Variants in THEM4 observed in about 807,000 individuals in gnomAD.
THEM4 encodes the protein thioesterase superfamily member 4.
A neutral mutation model predicts 25.0 loss-of-function variants in THEM4; 22 were observed. The observed-to-expected ratio is 0.88, with a 90% CI of 0.63 to 1.26. The LOEUF (loss-of-function observed/expected upper bound fraction) is 1.26, where lower values mean the gene tolerates loss of function less well. THEM4 is among the 50% of genes most tolerant of loss of function. THEM4 has a pLI of 0.00. For synonymous variants in THEM4, 113 were observed against 105.6 expected, an observed-to-expected ratio of 1.07 and a Z score of -0.43; for missense variants, 286 against 300.3, an observed-to-expected ratio of 0.95 and a Z score of 0.35.
chr1:151,889,439 G>T, intron 2 of THEM4, 66 bp from the exon 3 acceptor site: 1 of 1,511,608 alleles, frequency 6.6e-7, no homozygotes, highest in Non-Finnish European at 9.1e-7. Context: ...GCAGAGCCAA[G>T]CACCTGTACC....
At chr1:151,904,882 T>C (rs1654423003) in intron 1 of THEM4, among the ~76,000 whole-genome samples, 1 of 152,048 alleles carries the variant, frequency 6.6e-6, no homozygotes, top group African/African-American at 2.4e-5. Flanking sequence ...AAAACAGGAG[T>C]GTAACTATTA....
chr1:151,891,892 AAGG>A (rs1486381462), intron 2 of THEM4, among the ~76,000 whole-genome samples: 1 of 152,178 alleles, frequency 6.6e-6, no homozygotes, highest in Non-Finnish European at 1.5e-5. Context: ...TGACAGCAAC[AAGG>A]AGGAGAAGAA....
At chr1:151,896,483 G>A (rs1430205714) in intron 1 of THEM4, among the ~76,000 whole-genome samples, 1 of 152,106 alleles carries the variant, frequency 6.6e-6, no homozygotes. Context: ...CAGTTTTGAG[G>A]GGCCTTATTA....
intron 4 of THEM4, among the ~76,000 whole-genome samples, chr1:151,882,896 A>G (rs577437639): frequency 2.7e-4 from 41 of 152,226 alleles, no homozygotes; most frequent in African/African-American, 8.2e-4. Flanking sequence ...TCATGCTACT[A>G]TAAAGAACTA....
intron 1 of THEM4, among the ~76,000 whole-genome samples, chr1:151,897,900 C>T (rs866238554): frequency 4.8e-4 from 15 of 31,098 alleles, no homozygotes; most frequent in African/African-American, 9.5e-4. Flanking sequence ...CTAAGCTGAG[C>T]GAAATACAGG....
chr1:151,886,337 T>C (rs2101721291), intron 4 of THEM4, among the ~76,000 whole-genome samples: 1 of 152,344 alleles, frequency 6.6e-6, no homozygotes, highest in South Asian at 2.1e-4. Flanking sequence ...CATTTTGCAT[T>C]TGAGTATGTG....
intron 1 of THEM4, among the ~76,000 whole-genome samples, chr1:151,907,191 C>T (rs961997133): frequency 5.9e-5 from 9 of 151,980 alleles, no homozygotes; most frequent in Non-Finnish European, 8.8e-5. Context: ...ACACTCACCA[C>T]GAAGGTCCGC....
intron 1 of THEM4, among the ~76,000 whole-genome samples, chr1:151,898,555 C>CCCA (rs1461031740): frequency 6.6e-6 from 1 of 152,192 alleles, no homozygotes; most frequent in Admixed American, 6.5e-5. Flanking sequence ...TAGGGCCCCG[C>CCCA]CCACCACCGG....
chr1:151,891,087 T>C (rs750465630), intron 2 of THEM4: 27 of 152,342 alleles, frequency 1.8e-4, no homozygotes, highest in Admixed American at 8.5e-4. Flanking sequence ...GAGGATGTGT[T>C]TGTCCTTTGT....
intron 2 of THEM4, among the ~76,000 whole-genome samples, chr1:151,893,931 C>G (rs530632830): frequency 6.6e-6 from 1 of 151,884 alleles, no homozygotes; most frequent in Non-Finnish European, 1.5e-5. Context: ...GCGATCTCAG[C>G]TCACTGCAAC....
Position 151,874,857 on chromosome 1 carries a change from C to G in THEM4, c.*31G>C, listed in dbSNP as rs148860038. The stretch of plus-strand genomic sequence containing the variant: ...GGGACAACTGCTTCTTCTGGAGGGG[C>G]GAGAATGAGATGGAGTTCACCAGCA... On this transcript the variant is annotated 3_prime_UTR_variant, in exon 6 of 6. Coordinates refer to ENST00000368814, the MANE Select transcript of THEM4 (RefSeq NM_053055.5). The G allele has an allele frequency of 1.0e-3, 1,670 of 1,608,864 alleles. 15 individuals carry two copies. In the African/African-American group the frequency reaches 0.02, roughly 19 times the overall value.
chr1:151,909,229 C>T, intron 1 of THEM4, 131 bp downstream of exon 1: 2 of 695,586 alleles, frequency 2.9e-6, no homozygotes, highest in African/African-American at 3.8e-5. Flanking sequence ...TTATGCTGCC[C>T]TGTGGTGCCC....
chr1:151,886,116 T>C (rs1260315356), intron 4 of THEM4, among the ~76,000 whole-genome samples: 1 of 152,226 alleles, frequency 6.6e-6, no homozygotes, highest in Non-Finnish European at 1.5e-5. Flanking sequence ...GGAGGCTGTG[T>C]GTTGTAGTGA....
rs552971987 is a variant in THEM4 at position 151,891,324 on chromosome 1, A to G, written c.287-1951T>C. ...ACAGTTGAGTGGAAGAAGGGCTTTG[A>G]GGAGGATAAGAATGGAGACAGGAGA... On this transcript the variant is annotated intron_variant, in intron 2 of 5. Coordinates refer to ENST00000368814, the MANE Select transcript of THEM4 (RefSeq NM_053055.5). 2.6e-5 allele frequency: 4 copies of G among 152,358 alleles called. No individual in the cohort carries two copies. The South Asian group carries it at 8.3e-4, about 32-fold the overall frequency. 9.4% of individuals were successfully genotyped at this position (152,358 alleles called of 1,614,324 possible).
At chr1:151,895,988 C>A in intron 1 of THEM4, among the ~76,000 whole-genome samples, 1 of 119,212 alleles carries the variant, frequency 8.4e-6, no homozygotes, top group East Asian at 2.4e-4. Flanking sequence ...TTCTTGCTTC[C>A]TTTTTTTTTT....
At chr1:151,876,321 G>A (rs1334897257) in intron 5 of THEM4, among the ~76,000 whole-genome samples, 1 of 152,100 alleles carries the variant, frequency 6.6e-6, no homozygotes, top group African/African-American at 2.4e-5. Flanking sequence ...TCTTGCTATT[G>A]CAAATAATGT....
At chr1:151,898,132 C>T (rs561987179) in intron 1 of THEM4, among the ~76,000 whole-genome samples, 1 of 152,308 alleles carries the variant, frequency 6.6e-6, no homozygotes, top group Admixed American at 6.5e-5. Flanking sequence ...GCAGACTTCA[C>T]AGGTCGGGGA....
chr1:151,901,597 C>T (rs997209097), intron 1 of THEM4, among the ~76,000 whole-genome samples: 10 of 152,170 alleles, frequency 6.6e-5, no homozygotes, highest in African/African-American at 2.4e-4. Context: ...AATCCCAGCA[C>T]TTTGGGAGGC....
rs376662285 is a variant in THEM4 at position 151,887,636 on chromosome 1, T to G, written c.557+637A>C. On this transcript the variant is annotated intron_variant, in intron 4 of 5. Coordinates refer to ENST00000368814, the MANE Select transcript of THEM4 (RefSeq NM_053055.5). ...CGGTGTTTTGTGTGTGTGTGTGTGT[T>G]TTTGTTGTTGTTGTTTTTTTTACAG... Among the ~76,000 whole-genome samples, 30 of 151,624 alleles carry G rather than the reference T, an allele frequency of 2.0e-4. 1 individual carries two copies. In the South Asian group the frequency reaches 5.2e-3, roughly 26 times the overall value.
Sources: gnomAD v4.1 joint callset for allele counts (sites outside exome capture counted in the v4.1 genomes callset) on GRCh38, gnomAD v4.1.1 for gene constraint, MANE v1.5 for transcripts, NCBI Gene and HGNC (gene_info 2026-07-23, HGNC 2026-07-21) for gene names.